The following GPC5 variants were observed in gnomAD, a reference collection of about 807,000 sequenced individuals.
GPC5 encodes glypican 5.
A neutral mutation model predicts 53.9 loss-of-function variants in GPC5; 47 were observed. The observed-to-expected ratio is 0.87, with a 90% CI of 0.69 to 1.11. The LOEUF (loss-of-function observed/expected upper bound fraction) is 1.11, where lower values mean the gene tolerates loss of function less well. Ranked by LOEUF, GPC5 falls within the 50% of genes most tolerant of loss-of-function variation. The pLI is 0.00. For missense variants in GPC5, 748 were observed against 713.1 expected (o/e 1.05, Z -0.56); for synonymous variants, 286 against 263.3 (o/e 1.09, Z -0.84).
intron 7 of GPC5, among the ~76,000 whole-genome samples, chr13:92,522,822 T>G (rs140227872): frequency 6.6e-5 from 10 of 152,246 alleles, no homozygotes; most frequent in African/African-American, 2.4e-4. Context: ...TCTCAACTTA[T>G]TTGCTAAATT....
At chr13:91,422,593 G>T (rs1293555961) in intron 1 of GPC5, among the ~76,000 whole-genome samples, 1 of 151,932 alleles carries the variant, frequency 6.6e-6, no homozygotes, top group Non-Finnish European at 1.5e-5. Flanking sequence ...CCCAGATCAC[G>T]CCATTGCATT....
intron 7 of GPC5, among the ~76,000 whole-genome samples, chr13:92,599,915 T>A (rs184315438): frequency 6.6e-6 from 1 of 152,322 alleles, no homozygotes; most frequent in East Asian, 1.9e-4. Context: ...ATTTATGATG[T>A]TGTACAATCA....
intron 6 of GPC5, among the ~76,000 whole-genome samples, chr13:92,063,120 A>G (rs2041138141): frequency 1.3e-5 from 2 of 152,096 alleles, no homozygotes; most frequent in Admixed American, 1.3e-4. Flanking sequence ...ACTGACTTAA[A>G]CAGAATACAC....
intron 7 of GPC5, among the ~76,000 whole-genome samples, chr13:92,741,180 G>C (rs1484193857): frequency 6.6e-6 from 1 of 150,822 alleles, no homozygotes; most frequent in Non-Finnish European, 1.5e-5. Flanking sequence ...GTATCATGAG[G>C]ACTTTGCCAA....
At chr13:92,584,999 A>G (rs895679915) in intron 7 of GPC5, among the ~76,000 whole-genome samples, 13 of 152,094 alleles carry the variant, frequency 8.5e-5, no homozygotes, top group East Asian at 3.9e-4. Flanking sequence ...TGCCTAGGCA[A>G]AAGTTTGCTG....
chr13:92,615,879 C>G lies in GPC5; in HGVS notation c.1562-250403C>G, dbSNP rs1189707516. ...ACCATCCTGGCTAACAGGTGAAACCCCGTCTCTACTAAAAGTACAAAAAAA... is the reference window on the plus strand; with the variant it reads ...ACCATCCTGGCTAACAGGTGAAACCGCGTCTCTACTAAAAGTACAAAAAAA... On this transcript the variant is annotated intron_variant, in intron 7 of 7. Coordinates refer to ENST00000377067, the MANE Select transcript of GPC5 (RefSeq NM_004466.6). Among the ~76,000 whole-genome samples the G allele has an allele frequency of 5.3e-5, 8 of 152,136 alleles. No individual in the cohort carries two copies. In the East Asian group the frequency reaches 1.6e-3, roughly 29 times the overall value.
chr13:92,258,983 A>T (rs1327940191), intron 7 of GPC5, among the ~76,000 whole-genome samples: 1 of 152,196 alleles, frequency 6.6e-6, no homozygotes, highest in East Asian at 1.9e-4. Flanking sequence ...TTTAAAATTT[A>T]CGTCTTGTGA....
chr13:92,804,424 G>A (rs1003867068), intron 7 of GPC5, among the ~76,000 whole-genome samples: 2 of 151,936 alleles, frequency 1.3e-5, no homozygotes, highest in South Asian at 2.1e-4. Flanking sequence ...AGATATTTTC[G>A]GTTTCCTCAT....
At chr13:92,449,378 A>G (rs1037604265) in intron 7 of GPC5, among the ~76,000 whole-genome samples, 8 of 152,260 alleles carry the variant, frequency 5.3e-5, no homozygotes, top group African/African-American at 1.7e-4. Context: ...ATCGAGTCAC[A>G]TGGAGTAATT....
intron 7 of GPC5, among the ~76,000 whole-genome samples, chr13:92,631,573 A>G (rs1460219268): frequency 6.6e-6 from 1 of 152,154 alleles, no homozygotes; most frequent in South Asian, 2.1e-4. Flanking sequence ...GGGATAATAA[A>G]AACTGTAGCT....
chr13:91,518,767 A>C (rs1490091096), intron 2 of GPC5, among the ~76,000 whole-genome samples: 1 of 152,142 alleles, frequency 6.6e-6, no homozygotes, highest in Non-Finnish European at 1.5e-5. Context: ...GTTAGCCAGG[A>C]TGGACTCGAT....
Position 92,841,578 on chromosome 13 carries a change from T to C in GPC5, c.1562-24704T>C, listed in dbSNP as rs192126797. Among the ~76,000 whole-genome samples, 3 of 152,218 alleles carry C rather than the reference T, an allele frequency of 2.0e-5. No individual in the cohort carries two copies. In the East Asian group the frequency reaches 5.8e-4, roughly 29 times the overall value. On this transcript the variant is annotated intron_variant, in intron 7 of 7. Coordinates refer to ENST00000377067, the MANE Select transcript of GPC5 (RefSeq NM_004466.6). The stretch of plus-strand genomic sequence containing the variant: ...TCCGCATATACTTTTAAATATATCA[T>C]AAGAGGACATTAACTACAACAACAT...
chr13:92,512,234 A>G (rs373671591), intron 7 of GPC5, among the ~76,000 whole-genome samples: 23 of 148,714 alleles, frequency 1.5e-4, no homozygotes, highest in African/African-American at 3.8e-4. Context: ...TGTAGATTGT[A>G]TGTGTGTGTG....
At chr13:92,415,079 G>T (rs1594182198) in intron 7 of GPC5, among the ~76,000 whole-genome samples, 1 of 152,198 alleles carries the variant, frequency 6.6e-6, no homozygotes, top group Non-Finnish European at 1.5e-5. Flanking sequence ...TAACTGAAGG[G>T]AATGAAAGAA....
chr13:91,538,772 C>T lies in GPC5; in HGVS notation c.325+89850C>T, dbSNP rs954412485. Among the ~76,000 whole-genome samples the T allele has an allele frequency of 7.9e-5, 12 of 151,598 alleles. 1 individual carries two copies. The South Asian group carries it at 2.5e-3, about 32-fold the overall frequency. On this transcript the variant is annotated intron_variant, in intron 2 of 7. Transcript: ENST00000377067. ...TGATTTTTTGTATTTTTAGTAGAGA[C>T]CGGGTTTCACCATGTTAGCCAGGAT... is the stretch of plus-strand genomic sequence containing the variant.
At chr13:92,393,872 A>G (rs1875137206) in intron 7 of GPC5, among the ~76,000 whole-genome samples, 1 of 152,198 alleles carries the variant, frequency 6.6e-6, no homozygotes, top group South Asian at 2.1e-4. Flanking sequence ...ATAAAAATCT[A>G]AAAGCTGTTT....
rs553787065 is a variant in GPC5 at position 92,131,175 on chromosome 13, G to A, written c.1402-13655G>A. Among the ~76,000 whole-genome samples, 22 of 151,944 alleles carry A rather than the reference G, an allele frequency of 1.4e-4. No homozygotes were observed. In the South Asian group the frequency reaches 3.3e-3, roughly 23 times the overall value. ...CTAAATACCCAAAATTAAAATGACC[G>A]ATAATATCAAGGGTTTCAGAAGGTG... On this transcript the variant is annotated intron_variant, in intron 6 of 7. Coordinates refer to ENST00000377067, the MANE Select transcript of GPC5 (RefSeq NM_004466.6).
chr13:91,925,773 C>A (rs1241670628), intron 6 of GPC5, among the ~76,000 whole-genome samples: 2 of 152,022 alleles, frequency 1.3e-5, no homozygotes, highest in South Asian at 4.1e-4. Context: ...AAAGAGGAAT[C>A]CCCTTTGTAG....
In GPC5 at chr13:92,150,191, T is replaced by C. The variant is rs142086914; in HGVS notation, c.1561+5202T>C. 1.7e-3 allele frequency among the ~76,000 whole-genome samples: 255 copies of C among 152,062 alleles called. 1 individual carries two copies. Among genetic ancestry groups the C allele is most frequent in the African/African-American group, 5.7e-3 (237 of 41,546 alleles). ...ATTAGATTAAAACCTTTGCAAGACA[T>C]TGAAAGTAATCTTGAGTAATGATTG... On this transcript the variant is annotated intron_variant, in intron 7 of 7. Transcript: ENST00000377067.
Sources: allele counts gnomAD v4.1 joint callset (sites outside exome capture counted in the v4.1 genomes callset), GRCh38; gene constraint gnomAD v4.1.1; transcripts MANE v1.5; gene names NCBI Gene and HGNC (gene_info 2026-07-23, HGNC 2026-07-21).